The following TRIQK variants were observed in gnomAD, a reference collection of about 807,000 sequenced individuals.
TRIQK encodes the protein triple QxxK/R motif containing.
TRIQK carries 10 observed loss-of-function variants against 10.8 expected under a neutral mutation model. That is an observed-to-expected ratio of 0.92 (90% CI 0.57 to 1.57). The LOEUF is 1.57. Among genes scored for constraint, TRIQK ranks in the 40% most tolerant of loss-of-function variants. The probability of loss-of-function intolerance (pLI) is 0.00; values close to 1 mark genes in which losing one functional copy is unlikely to be tolerated. For missense variants in TRIQK, 107 were observed against 97.7 expected (o/e 1.09, Z -0.40); for synonymous variants, 33 against 33.7 (o/e 0.98, Z 0.07).
chr8:92,902,000 C>T (rs1808964759), intron 3 of TRIQK, among the ~76,000 whole-genome samples: 2 of 152,080 alleles, frequency 1.3e-5, no homozygotes, highest in South Asian at 2.1e-4. Context: ...TTATCCATTT[C>T]CTCTAGGTTA....
chr8:92,910,336 T>C (rs1483788537), intron 3 of TRIQK, among the ~76,000 whole-genome samples: 6 of 150,922 alleles, frequency 4.0e-5, no homozygotes, highest in Admixed American at 2.0e-4. Context: ...CTCCTCTCCC[T>C]TTCCCAAAAC....
At chr8:92,949,998 GCCTATAACAACT>G (rs1254510460) in intron 2 of TRIQK, among the ~76,000 whole-genome samples, 33 of 152,140 alleles carry the variant, frequency 2.2e-4, no homozygotes, top group African/African-American at 7.2e-4. Context: ...AATATACTAA[GCCTATAACAACT>G]TAATTACATA....
chr8:92,946,687 T>C (rs1282526070), intron 2 of TRIQK, among the ~76,000 whole-genome samples: 4 of 152,036 alleles, frequency 2.6e-5, no homozygotes, highest in Non-Finnish European at 5.9e-5. Context: ...ATAATAATAA[T>C]CTCTGATTGA....
intron 3 of TRIQK, among the ~76,000 whole-genome samples, chr8:92,905,979 A>C (rs553967357): frequency 6.6e-6 from 1 of 152,316 alleles, no homozygotes; most frequent in South Asian, 2.1e-4. Context: ...TCAATAAACT[A>C]TAAGATTAGG....
At chr8:92,917,620 C>T (rs191688125) in intron 2 of TRIQK, among the ~76,000 whole-genome samples, 34 of 151,872 alleles carry the variant, frequency 2.2e-4, no homozygotes, top group Middle Eastern at 6.8e-3. Flanking sequence ...AATAGTTGTA[C>T]CTACTTTGGG....
At chr8:92,895,053 G>T (rs1336060516) in intron 3 of TRIQK, among the ~76,000 whole-genome samples, 1 of 152,188 alleles carries the variant, frequency 6.6e-6, no homozygotes, top group African/African-American at 2.4e-5. Flanking sequence ...CTGCCCTCAT[G>T]AATAACTTAA....
intron 1 of TRIQK, among the ~76,000 whole-genome samples, chr8:92,964,302 G>GA (rs1204803627): frequency 6.6e-6 from 1 of 151,918 alleles, no homozygotes; most frequent in Non-Finnish European, 1.5e-5. Flanking sequence ...TAAAGAAGTT[G>GA]AACAAAAACA....
In TRIQK at chr8:92,949,671, G is replaced by GGAAAGAAAGAAA. The variant is rs375957646; in HGVS notation, c.-22+4723_-22+4734dup. On this transcript the variant is annotated intron_variant, in intron 2 of 4. Coordinates refer to ENST00000521988, the MANE Select transcript of TRIQK (RefSeq NM_001171797.2). The stretch of plus-strand genomic sequence containing the variant: ...AGGAAAGGGAAGGAAAGAAAGAGAA[G>GGAAAGAAAGAAA]GAAAGAAAGAAAGAAAGAAAGAAAG... Among the ~76,000 whole-genome samples the GGAAAGAAAGAAA allele has an allele frequency of 2.6e-4, 16 of 62,632 alleles. No homozygotes were observed. The Admixed American group carries it at 3.0e-3, about 12-fold the overall frequency. 41.1% of individuals were successfully genotyped at this position (62,632 alleles called of 152,430 possible).
chr8:92,984,922 A>C (rs2130746042), intron 1 of TRIQK, among the ~76,000 whole-genome samples: 1 of 152,276 alleles, frequency 6.6e-6, no homozygotes, highest in East Asian at 1.9e-4. Context: ...AAGAATACTC[A>C]ACTGTTGTGT....
intron 1 of TRIQK, among the ~76,000 whole-genome samples, chr8:92,989,298 G>A (rs1288528404): frequency 6.6e-6 from 1 of 152,068 alleles, no homozygotes; most frequent in Non-Finnish European, 1.5e-5. Context: ...TTTAAGCAGG[G>A]GTTCTCATCC....
upstream of TRIQK, among the ~76,000 whole-genome samples, chr8:92,967,951 T>C (rs989519576): frequency 9.9e-5 from 15 of 152,012 alleles, no homozygotes; most frequent in African/African-American, 3.1e-4. Flanking sequence ...CCATTTTCAT[T>C]ACATAAAGAT....
At chr8:92,950,963 T>G (rs1811866724) in intron 2 of TRIQK, among the ~76,000 whole-genome samples, 1 of 152,138 alleles carries the variant, frequency 6.6e-6, no homozygotes, top group East Asian at 1.9e-4. Flanking sequence ...TAGAATTCCT[T>G]ACATAAAATG....
intron 1 of TRIQK, among the ~76,000 whole-genome samples, chr8:93,006,610 C>T (rs1385885305): frequency 2.0e-5 from 3 of 152,170 alleles, no homozygotes; most frequent in Admixed American, 1.3e-4. Context: ...AATGAGCTCC[C>T]GGCGGGGAGG....
intron 4 of TRIQK, among the ~76,000 whole-genome samples, chr8:92,887,319 A>G (rs568463856): frequency 3.3e-5 from 5 of 151,496 alleles, no homozygotes; most frequent in African/African-American, 1.2e-4. Flanking sequence ...GAGGAACAAA[A>G]CAAAGTACTC....
At chr8:93,016,524 T>A (rs1813385346) in intron 1 of TRIQK, among the ~76,000 whole-genome samples, 1 of 152,328 alleles carries the variant, frequency 6.6e-6, no homozygotes, top group African/African-American at 2.4e-5. Context: ...ATGCAAAAAA[T>A]TTACAAAGTT....
chr8:92,911,704 T>C (rs1372085672), intron 3 of TRIQK, among the ~76,000 whole-genome samples: 2 of 150,890 alleles, frequency 1.3e-5, no homozygotes. Flanking sequence ...TAATGATAAA[T>C]GAATTAACTT....
chr8:92,944,721 A>G (rs1343852972), intron 2 of TRIQK, among the ~76,000 whole-genome samples: 2 of 152,158 alleles, frequency 1.3e-5, no homozygotes, highest in African/African-American at 2.4e-5. Flanking sequence ...GAAAAGGAGG[A>G]GGGTACAGGT....
chr8:92,907,800 T>C (rs1179510746), intron 3 of TRIQK, among the ~76,000 whole-genome samples: 1 of 152,104 alleles, frequency 6.6e-6, no homozygotes, highest in Admixed American at 6.6e-5. Flanking sequence ...GCATTAGTGC[T>C]GTCCCTATAA....
chr8:93,003,309 G>GGAGAGAGAGAGAGAGAGA lies in TRIQK; in HGVS notation c.-181+14282_-181+14299dup, dbSNP rs71565204. ...GAAGCAAGCATGTTTCCCGCTTACA[G>GGAGAGAGAGAGAGAGAGA]GAGAGAGAGAGAGAGAGAGAGAGAG... On this transcript the variant is annotated intron_variant, in intron 1 of 4. Coordinates refer to the TRIQK transcript ENST00000520686. 4.6e-3 allele frequency among the ~76,000 whole-genome samples: 625 copies of GGAGAGAGAGAGAGAGAGA among 135,608 alleles called. 9 individuals are homozygous for GGAGAGAGAGAGAGAGAGA. Among genetic ancestry groups the GGAGAGAGAGAGAGAGAGA allele is most frequent in the African/African-American group, 0.017 (580 of 33,346 alleles). The allele number at this position is 135,608 out of a possible 152,430, so 89.0% of individuals were successfully genotyped here. A position where few individuals can be genotyped will look rare whatever the true frequency, so the allele number is the denominator to read the frequency against.
Sources: gnomAD v4.1 joint callset for allele counts (sites outside exome capture counted in the v4.1 genomes callset) on GRCh38, gnomAD v4.1.1 for gene constraint, MANE v1.5 for transcripts, NCBI Gene and HGNC (gene_info 2026-07-23, HGNC 2026-07-21) for gene names.